Variants in UQCC1 observed in about 807,000 individuals in gnomAD.
The protein encoded by UQCC1 is bFGF-repressed Zic-binding protein.
A neutral mutation model predicts 48.0 loss-of-function variants in UQCC1; 38 were observed. The ratio of observed to expected loss-of-function variants is 0.79; its 90% CI spans 0.61 to 1.04. UQCC1 has a LOEUF of 1.04. Ranked by LOEUF, UQCC1 falls within the 50% of genes least tolerant of loss-of-function variation. The pLI is 0.00. For missense variants in UQCC1, 368 were observed against 381.8 expected, an observed-to-expected ratio of 0.96 and a Z score of 0.30; for synonymous variants, 111 against 129.2, an observed-to-expected ratio of 0.86 and a Z score of 0.95.
intron 4 of UQCC1, among the ~76,000 whole-genome samples, chr20:35,378,921 C>T (rs2061834854): frequency 6.6e-6 from 1 of 152,182 alleles, no homozygotes; most frequent in African/African-American, 2.4e-5. Context: ...GAAGAATCAT[C>T]CTGTCTTCTC....
At chr20:35,384,567 A>G (rs1284013854) in intron 2 of UQCC1, 1 of 437,880 alleles carries the variant, frequency 2.3e-6, no homozygotes, top group African/African-American at 2.1e-5. Flanking sequence ...ACTTGAGCCC[A>G]GAAGATCGAG....
intron 8 of UQCC1, among the ~76,000 whole-genome samples, chr20:35,310,074 G>A (rs903663389): frequency 2.0e-5 from 3 of 152,122 alleles, no homozygotes; most frequent in East Asian, 1.9e-4. Context: ...TCCCCCTGTT[G>A]TTCTCTCTCA....
intron 9 of UQCC1, 29 bp from the exon 10 acceptor site, chr20:35,304,098 G>T (rs1419588882): frequency 6.2e-7 from 1 of 1,613,570 alleles, no homozygotes; most frequent in African/African-American, 1.3e-5. Flanking sequence ...GAAGGAGGAA[G>T]CGACAGAGGC....
At chr20:35,352,715 C>T (rs1249716357) in intron 6 of UQCC1, among the ~76,000 whole-genome samples, 1 of 152,180 alleles carries the variant, frequency 6.6e-6, no homozygotes, top group Non-Finnish European at 1.5e-5. Flanking sequence ...CAGGTTCTCA[C>T]TTTGTCACCC....
chr20:35,409,842 T>C (rs1277961601), intron 1 of UQCC1, among the ~76,000 whole-genome samples: 1 of 152,106 alleles, frequency 6.6e-6, no homozygotes, highest in African/African-American at 2.4e-5. Context: ...GTTTCACTCT[T>C]TCACCCAGGC....
At chr20:35,391,148 C>T (rs1004514266) in intron 2 of UQCC1, among the ~76,000 whole-genome samples, 12 of 151,072 alleles carry the variant, frequency 7.9e-5, no homozygotes, top group African/African-American at 1.7e-4. Flanking sequence ...GAGCCAAGAT[C>T]GCACCACTGC....
At chr20:35,350,926 C>T (rs2061483703) in intron 6 of UQCC1, among the ~76,000 whole-genome samples, 1 of 151,668 alleles carries the variant, frequency 6.6e-6, no homozygotes, top group Non-Finnish European at 1.5e-5. Flanking sequence ...CCTGTAGTCC[C>T]AGCTACTTGG....
intron 6 of UQCC1, among the ~76,000 whole-genome samples, chr20:35,350,073 T>C (rs578251880): frequency 1.2e-4 from 18 of 152,192 alleles, no homozygotes; most frequent in African/African-American, 4.3e-4. Flanking sequence ...GGGAGAAAGA[T>C]ATAATCAACA....
chr20:35,396,201 T>C (rs918959519), intron 1 of UQCC1, among the ~76,000 whole-genome samples: 2 of 151,424 alleles, frequency 1.3e-5, no homozygotes, highest in African/African-American at 4.9e-5. Flanking sequence ...ACCAGGCTGG[T>C]CTTAAACTGC....
intron 7 of UQCC1, among the ~76,000 whole-genome samples, chr20:35,330,139 CAGG>C (rs1465261137): frequency 6.6e-6 from 1 of 152,200 alleles, no homozygotes; most frequent in South Asian, 2.1e-4. Context: ...AGAAAAGGAT[CAGG>C]AGGTCTTTGA....
intron 6 of UQCC1, among the ~76,000 whole-genome samples, chr20:35,354,547 C>T (rs1031286111): frequency 2.6e-5 from 4 of 152,176 alleles, no homozygotes; most frequent in African/African-American, 9.7e-5. Flanking sequence ...CAGGTGCCCG[C>T]CACCACACCG....
intron 4 of UQCC1, among the ~76,000 whole-genome samples, chr20:35,378,595 A>T (rs2061830264): frequency 6.6e-6 from 1 of 152,128 alleles, no homozygotes. Flanking sequence ...GCGCCACTGC[A>T]CTCCAGCCTG....
At chr20:35,320,357 G>T (rs140562441) in intron 7 of UQCC1, among the ~76,000 whole-genome samples, 1 of 152,194 alleles carries the variant, frequency 6.6e-6, no homozygotes, top group Non-Finnish European at 1.5e-5. Flanking sequence ...CTCCACTTTA[G>T]AGAAGAGGAA....
chr20:35,369,470 G>C (rs2061705186), intron 5 of UQCC1, among the ~76,000 whole-genome samples: 1 of 152,166 alleles, frequency 6.6e-6, no homozygotes, highest in Non-Finnish European at 1.5e-5. Context: ...CTGAAGCTAG[G>C]CACTTTCTTT....
intron 4 of UQCC1, among the ~76,000 whole-genome samples, chr20:35,377,927 T>C (rs942668620): frequency 1.3e-5 from 2 of 152,240 alleles, no homozygotes; most frequent in African/African-American, 4.8e-5. Context: ...GTTCTTCACT[T>C]TTCCTGCTGC....
intron 2 of UQCC1, among the ~76,000 whole-genome samples, chr20:35,385,929 C>T (rs2061937540): frequency 6.6e-6 from 1 of 150,958 alleles, no homozygotes; most frequent in African/African-American, 2.4e-5. Context: ...CCTTCCCCCA[C>T]ATGCACAGCC....
chr20:35,324,577 T>G (rs529095597), intron 7 of UQCC1, among the ~76,000 whole-genome samples: 1 of 152,050 alleles, frequency 6.6e-6, no homozygotes. Context: ...CTGCCCGCCT[T>G]GGCCTCCCAA....
chr20:35,358,475 TTAAC>T (rs2061572129), intron 6 of UQCC1, among the ~76,000 whole-genome samples: 1 of 150,882 alleles, frequency 6.6e-6, no homozygotes, highest in African/African-American at 2.4e-5. Context: ...CCTATATTAA[TTAAC>T]TAATCATTTA....
intron 5 of UQCC1, among the ~76,000 whole-genome samples, chr20:35,367,051 G>A (rs977691682): frequency 2.1e-5 from 3 of 140,456 alleles, no homozygotes; most frequent in South Asian, 2.3e-4. Flanking sequence ...CCAAGATCAC[G>A]TCACTGCACT....
Sources: gnomAD v4.1 joint callset for allele counts (sites outside exome capture counted in the v4.1 genomes callset) on GRCh38, gnomAD v4.1.1 for gene constraint, MANE v1.5 for transcripts, NCBI Gene and HGNC (gene_info 2026-07-23, HGNC 2026-07-21) for gene names.